Variants in WDR45 observed in about 807,000 individuals in gnomAD.
WDR45 encodes WD repeat domain phosphoinositide-interacting protein 4.
WDR45 carries 2 observed loss-of-function variants against 27.3 expected under a neutral mutation model. The ratio of observed to expected loss-of-function variants is 0.07; its 90% confidence interval spans 0.03 to 0.23. WDR45 has a LOEUF of 0.23. Ranked by LOEUF, WDR45 falls within the 10% of genes least tolerant of loss-of-function variation. WDR45 has a pLI of 1.00. For synonymous variants in WDR45, 99 were observed against 119.2 expected (o/e 0.83, Z 1.11); for missense variants, 175 against 311.9 (o/e 0.56, Z 3.31).
At chrX:49,080,800 C>T, upstream of WDR45, among the ~76,000 whole-genome samples, 1 of 27,009 alleles carries the variant, frequency 3.7e-5, no homozygotes. Context: ...GGTATGAATG[C>T]TTTGGGTTAA....
upstream of WDR45, among the ~76,000 whole-genome samples, chrX:49,081,001 G>T (rs1557085045): frequency 9.7e-6 from 1 of 102,690 alleles, no homozygotes; most frequent in African/African-American, 3.5e-5. Flanking sequence ...GGGTTCAAGG[G>T]ATTCTTCTGC....
chrX:49,085,319 G>A (rs2065082824), intron 2 of WDR45, among the ~76,000 whole-genome samples: 1 of 111,887 alleles, frequency 8.9e-6, no homozygotes, highest in Non-Finnish European at 1.9e-5. Flanking sequence ...TGGAGCTTCT[G>A]AAAATAGTGC....
At position 49,074,671 on chromosome X, in the gene WDR45, G is replaced by T; in HGVS notation, c.*132C>A. ...GAAGTGAGCTCTTTATTTAGACATA[G>T]CTCTGCTGAGTGGAAAGTGGGCACC... On this transcript the variant is annotated 3_prime_UTR_variant, in exon 11 of 11. Transcript: ENST00000376372. 1 of 512,886 alleles carries T rather than the reference G, an allele frequency of 1.9e-6. No individual in the cohort carries two copies. Among genetic ancestry groups the T allele is most frequent in the Non-Finnish European group, 3.4e-6 (1 of 293,406 alleles). 42.3% of individuals were successfully genotyped at this position (512,886 alleles called of 1,213,427 possible).
intron 2 of WDR45, among the ~76,000 whole-genome samples, chrX:49,094,114 G>A (rs1173003251): frequency 9.0e-6 from 1 of 110,688 alleles, no homozygotes; most frequent in Non-Finnish European, 1.9e-5. Flanking sequence ...ATTCATTTTT[G>A]TATTACCTCC....
At chrX:49,094,911 C>T (rs1425402139) in intron 2 of WDR45, among the ~76,000 whole-genome samples, 2 of 110,428 alleles carry the variant, frequency 1.8e-5, no homozygotes, top group Non-Finnish European at 3.8e-5. Context: ...GCCCCAGCCT[C>T]CCTAGTAGCT....
intron 2 of WDR45, among the ~76,000 whole-genome samples, chrX:49,091,414 C>G (rs1163180483): frequency 9.1e-6 from 1 of 109,466 alleles, no homozygotes. Flanking sequence ...GCACTCCAGC[C>G]TGGGCGACAG....
In WDR45 at chrX:49,074,807, A is replaced by C. The variant is rs137983555; in HGVS notation, c.1079T>G (p.Phe360Cys). ...CTAGCACAGCCCCCAGGGTCCTTAAAAGTCATCATCATCACAGATGTCAAG... is the reference window on the plus strand; with the variant it reads ...CTAGCACAGCCCCCAGGGTCCTTAACAGTCATCATCATCACAGATGTCAAG... ...VYLDICDDDDF is the reference protein window; with the variant it reads ...VYLDICDDDDC Residue 360 changes from phenylalanine (F) to cysteine (C), a missense_variant, in exon 11 of 11, where the codon TTT becomes TGT. By Grantham distance (205) the Phe-to-Cys change is radical. Coordinates refer to ENST00000376372, the MANE Select transcript of WDR45 (RefSeq NM_001029896.2). 1 of 1,206,518 alleles carries C rather than the reference A, an allele frequency of 8.3e-7. No individual in the cohort carries two copies. Among genetic ancestry groups the C allele is most frequent in the African/African-American group, 1.7e-5 (1 of 57,262 alleles).
intron 5 of WDR45, 56 bp downstream of exon 5, chrX:49,076,589 C>G (rs2065039202): frequency 8.3e-7 from 1 of 1,201,986 alleles, no homozygotes; most frequent in Non-Finnish European, 1.1e-6. Context: ...GAGGACTATC[C>G]CTCTCACTTA....
chrX:49,100,681 G>C (rs782565440), intron 1 of WDR45: 24 of 114,480 alleles, frequency 2.1e-4, no homozygotes, highest in African/African-American at 7.7e-4. Flanking sequence ...TGGAAAACTG[G>C]GGAAAGTGTT....
intron 2 of WDR45, among the ~76,000 whole-genome samples, chrX:49,098,495 TA>T (rs57323906): frequency 3.4e-5 from 3 of 89,197 alleles, no homozygotes; most frequent in African/African-American, 8.3e-5. Flanking sequence ...GAACCTATCT[TA>T]AAAAAAAAAA....
intron 9 of WDR45, 40 bp downstream of exon 9, chrX:49,075,324 G>A: frequency 3.3e-6 from 4 of 1,208,823 alleles, no homozygotes; most frequent in Non-Finnish European, 4.5e-6. Flanking sequence ...TAAATGGGCA[G>A]GGGGACAGGG....
At chrX:49,094,470 G>C (rs1209775232) in intron 2 of WDR45, among the ~76,000 whole-genome samples, 1 of 110,156 alleles carries the variant, frequency 9.1e-6, no homozygotes, top group Non-Finnish European at 1.9e-5. Context: ...CTGTCTCAAA[G>C]AAAAAAAATT....
chrX:49,083,764 C>G (rs967524530), upstream of WDR45, among the ~76,000 whole-genome samples: 4 of 107,253 alleles, frequency 3.7e-5, no homozygotes, highest in African/African-American at 1.0e-4. Flanking sequence ...CTGGCCAACA[C>G]GGTGAAACCC....
intron 1 of WDR45, chrX:49,100,664 T>C: frequency 8.7e-6 from 1 of 115,597 alleles, no homozygotes; most frequent in Middle Eastern, 6.9e-4. Flanking sequence ...AACCATCAGT[T>C]TGCGCCTGGA....
intron 2 of WDR45, among the ~76,000 whole-genome samples, chrX:49,095,368 C>T (rs982561878): frequency 9.3e-6 from 1 of 108,020 alleles, no homozygotes; most frequent in East Asian, 3.1e-4. Context: ...AGGCTGGGCA[C>T]GGTGGCTCAC....
upstream of WDR45, among the ~76,000 whole-genome samples, chrX:49,082,710 TTTTC>T (rs1451414484): frequency 9.0e-5 from 10 of 110,841 alleles, no homozygotes; most frequent in Non-Finnish European, 1.3e-4. Flanking sequence ...TGGTTTTTCT[TTTTC>T]TTTCTTTCTT....
chrX:49,084,294 C>A (rs2065079208), upstream of WDR45, among the ~76,000 whole-genome samples: 1 of 108,790 alleles, frequency 9.2e-6, no homozygotes, highest in South Asian at 4.0e-4. Context: ...AGGTGATCCA[C>A]CTGCCTTGAC....
intron 2 of WDR45, among the ~76,000 whole-genome samples, chrX:49,085,418 G>C (rs2065083073): frequency 8.9e-6 from 1 of 111,971 alleles, no homozygotes; most frequent in Admixed American, 9.6e-5. Flanking sequence ...GGAGTAACTA[G>C]CCCTAGACTT....
intron 2 of WDR45, among the ~76,000 whole-genome samples, chrX:49,096,863 C>T (rs1188366630): frequency 8.9e-6 from 1 of 112,228 alleles, no homozygotes; most frequent in Non-Finnish European, 1.9e-5. Context: ...AAGCGATTCT[C>T]CTGCCTCAGC....
Sources: allele counts gnomAD v4.1 joint callset (sites outside exome capture counted in the v4.1 genomes callset), GRCh38; gene constraint gnomAD v4.1.1; transcripts MANE v1.5; gene names NCBI Gene and HGNC (gene_info 2026-07-23, HGNC 2026-07-21).